TECPR2: variants seen among roughly 807,000 people sequenced by gnomAD.
TECPR2 encodes tectonin beta-propeller repeat containing 2, also known as tectonin beta-propeller repeat-containing protein 2.
Under a neutral mutation model 138.1 loss-of-function variants are expected in TECPR2, and 65 were observed. That is an observed-to-expected ratio of 0.47 (90% confidence interval 0.39 to 0.58). The LOEUF (loss-of-function observed/expected upper bound fraction) is 0.58. Ranked by LOEUF, TECPR2 falls within the 20% of genes least tolerant of loss-of-function variation. The pLI, the probability that TECPR2 is intolerant of heterozygous loss-of-function variation, is 0.00. For missense variants in TECPR2, 1,553 were observed against 1,824.5 expected, an observed-to-expected ratio of 0.85 and a Z score of 2.71; for synonymous variants, 746 against 749.8, an observed-to-expected ratio of 0.99 and a Z score of 0.08.
chr14:102,477,934 CAAA>C (rs1188082616), intron 17 of TECPR2, among the ~76,000 whole-genome samples: 1 of 44,638 alleles, frequency 2.2e-5, no homozygotes, highest in Non-Finnish European at 4.1e-5. Context: ...GACTCCGTCT[CAAA>C]AAAAAAAAAA....
intron 17 of TECPR2, among the ~76,000 whole-genome samples, chr14:102,471,747 T>C (rs1221658745): frequency 6.6e-6 from 1 of 152,150 alleles, no homozygotes; most frequent in African/African-American, 2.4e-5. Context: ...GAATCTTCTC[T>C]CATTTTTTCT....
At position 102,376,645 on chromosome 14, in the gene TECPR2, T is replaced by A; in HGVS notation, c.-72-5T>A. 7.5e-7 allele frequency: 1 copy of A among 1,337,044 alleles called. No individual in the cohort carries two copies. Among genetic ancestry groups the A allele is most frequent in the Non-Finnish European group, 1.1e-6 (1 of 941,414 alleles). The allele number at this position is 1,337,044 out of a possible 1,614,324, so 82.8% of individuals were successfully genotyped here. A position where few individuals can be genotyped will look rare whatever the true frequency, so the allele number is the denominator to read the frequency against. ...TTGAAAGGATTGTAATGCTTTGTTC[T>A]GTAGCCCCCAGGTTTCCCTAGATGA... is the stretch of plus-strand genomic sequence containing the variant. On this transcript the variant is annotated splice_polypyrimidine_tract_variant and splice_region_variant and intron_variant, in intron 1 of 19. Transcript: ENST00000359520.
intron 17 of TECPR2, among the ~76,000 whole-genome samples, chr14:102,480,192 G>T (rs1293962239): frequency 1.3e-5 from 2 of 150,066 alleles, no homozygotes; most frequent in African/African-American, 4.9e-5. Flanking sequence ...TCTGGGGTGA[G>T]GCCCAGGCAT....
rs1567366863 is a variant in TECPR2 at position 102,498,286 on chromosome 14, GC to G, written c.*32del. 18 of 1,585,480 alleles carry G rather than the reference GC, an allele frequency of 1.1e-5. No individual in the cohort carries two copies. The highest frequency in any genetic ancestry group is 3.5e-5 in the Admixed American group (2 of 57,592). ...AGCCCTGGCCGAGTCACGCGGAGGG[GC>G]CCGGCGTCTGTGGCGGGCACAGGGG... is the stretch of plus-strand genomic sequence containing the variant. On this transcript the variant is annotated 3_prime_UTR_variant, in exon 20 of 20. Transcript: ENST00000359520.
intron 2 of TECPR2, among the ~76,000 whole-genome samples, chr14:102,397,292 C>G (rs1597783034): frequency 6.6e-6 from 1 of 151,468 alleles, no homozygotes; most frequent in Admixed American, 6.6e-5. Flanking sequence ...GTATTAGATT[C>G]AAATGTTCAG....
At chr14:102,417,335 G>A (rs775506272) in intron 5 of TECPR2, among the ~76,000 whole-genome samples, 6 of 152,326 alleles carry the variant, frequency 3.9e-5, no homozygotes, top group Admixed American at 3.9e-4. Flanking sequence ...TTTAGTGAGC[G>A]GAGCTAGGCA....
intron 16 of TECPR2, among the ~76,000 whole-genome samples, chr14:102,463,433 A>AG (rs1567353039): frequency 6.6e-6 from 1 of 150,516 alleles, no homozygotes; most frequent in African/African-American, 2.4e-5. Context: ...AAAAAAAAAA[A>AG]AAAAAAGAAA....
intron 5 of TECPR2, among the ~76,000 whole-genome samples, chr14:102,416,037 A>G (rs573038531): frequency 3.3e-4 from 51 of 152,330 alleles, no homozygotes; most frequent in African/African-American, 1.2e-3. Flanking sequence ...TCTTTTCTGC[A>G]TGGCAGCCCT....
At chr14:102,374,801 G>T (rs866888685) in intron 1 of TECPR2, among the ~76,000 whole-genome samples, 1 of 152,102 alleles carries the variant, frequency 6.6e-6, no homozygotes, top group Non-Finnish European at 1.5e-5. Flanking sequence ...AAAGCACTAG[G>T]ATTACAGGCA....
intron 2 of TECPR2, among the ~76,000 whole-genome samples, chr14:102,391,527 C>G (rs1888176806): frequency 6.6e-6 from 1 of 152,136 alleles, no homozygotes; most frequent in South Asian, 2.1e-4. Flanking sequence ...CTTTCCCAAG[C>G]TAGATGGGGA....
At chr14:102,381,949 T>C (rs1404057252) in intron 2 of TECPR2, among the ~76,000 whole-genome samples, 1 of 152,208 alleles carries the variant, frequency 6.6e-6, no homozygotes, top group Non-Finnish European at 1.5e-5. Context: ...TCCTATACAT[T>C]TGTACATTCT....
intron 10 of TECPR2, among the ~76,000 whole-genome samples, chr14:102,439,452 G>C (rs1889771525): frequency 6.6e-6 from 1 of 152,008 alleles, no homozygotes; most frequent in Admixed American, 6.5e-5. Context: ...TTTTTCTTTA[G>C]AGACTGGCTA....
In TECPR2 at chr14:102,443,031, T is replaced by C. The variant is rs1029283664; in HGVS notation, c.2753-616T>C. Among the ~76,000 whole-genome samples the C allele has an allele frequency of 2.0e-5, 3 of 152,228 alleles. No homozygotes were observed. Among genetic ancestry groups the C allele is most frequent in the Non-Finnish European group, 2.9e-5 (2 of 68,034 alleles). Reference sequence around the variant, plus strand: ...TGGGAAATTCGGGGTTTCATTTTATTAGTGGAACCTCGCACCCAGTCAGAG... The same window carrying C: ...TGGGAAATTCGGGGTTTCATTTTATCAGTGGAACCTCGCACCCAGTCAGAG... On this transcript the variant is annotated intron_variant, in intron 11 of 19. Coordinates refer to ENST00000359520, the MANE Select transcript of TECPR2 (RefSeq NM_014844.5). This position sits in a 1 kb window ranked among gnomAD's most constrained non-coding sequence, Gnocchi z 4.9.
intron 2 of TECPR2, among the ~76,000 whole-genome samples, chr14:102,401,634 T>G (rs550203643): frequency 4.0e-5 from 6 of 150,640 alleles, no homozygotes; most frequent in Non-Finnish European, 7.4e-5. Flanking sequence ...GAACCCTGTC[T>G]CTATTAAAAA....
intron 19 of TECPR2, 50 bp from the exon 20 acceptor site, chr14:102,498,053 C>CCAGCTCCATCTGTGCCCACA (rs1485550033): frequency 9.9e-7 from 1 of 1,008,148 alleles, no homozygotes; most frequent in South Asian, 1.8e-5. Context: ...CTGTGCCCAC[C>CCAGCTCCATCTGTGCCCACA]CCACAGGCTG....
chr14:102,365,183 A>G (rs1887310643), intron 1 of TECPR2, among the ~76,000 whole-genome samples: 1 of 152,222 alleles, frequency 6.6e-6, no homozygotes, highest in Non-Finnish European at 1.5e-5. Flanking sequence ...CATACTCTTT[A>G]TTGGTCTTTT....
intron 1 of TECPR2, among the ~76,000 whole-genome samples, chr14:102,367,169 G>A (rs1358241799): frequency 6.6e-6 from 1 of 152,198 alleles, no homozygotes; most frequent in Non-Finnish European, 1.5e-5. Context: ...GGCAACCAGT[G>A]AGGAGTTTTG....
intron 7 of TECPR2, among the ~76,000 whole-genome samples, chr14:102,431,155 C>G (rs1207980950): frequency 1.3e-5 from 2 of 150,104 alleles, no homozygotes; most frequent in Non-Finnish European, 3.0e-5. Context: ...TCCCAAGTAG[C>G]TGGGACTATG....
intron 16 of TECPR2, among the ~76,000 whole-genome samples, chr14:102,454,930 C>T (rs910163755): frequency 6.6e-6 from 1 of 152,232 alleles, no homozygotes; most frequent in African/African-American, 2.4e-5. Flanking sequence ...GCCAGCCCTG[C>T]CTGGGCCTCC....
Sources: allele counts gnomAD v4.1 joint callset (sites outside exome capture counted in the v4.1 genomes callset), GRCh38; gene constraint gnomAD v4.1.1; non-coding constraint Gnocchi (gnomAD v3.1); transcripts MANE v1.5; gene names NCBI Gene and HGNC (gene_info 2026-07-23, HGNC 2026-07-21).